Variants in PAM observed in about 807,000 individuals in gnomAD.
PAM encodes peptidyl-glycine alpha-amidating monooxygenase.
Under a neutral mutation model 122.1 loss-of-function variants are expected in PAM, and 72 were observed. That is an observed-to-expected ratio of 0.59 (90% confidence interval 0.49 to 0.72). The LOEUF (loss-of-function observed/expected upper bound fraction) is 0.72, where lower values mean the gene tolerates loss of function less well. Among genes scored for constraint, PAM ranks in the 30% least tolerant of loss-of-function variants. The pLI is 0.00. For missense variants in PAM, 1,106 were observed against 1,183.7 expected (o/e 0.93, Z 0.96); for synonymous variants, 389 against 404.4 (o/e 0.96, Z 0.46).
intron 6 of PAM, among the ~76,000 whole-genome samples, chr5:102,925,355 G>C (rs960540974): frequency 5.3e-5 from 8 of 152,330 alleles, no homozygotes; most frequent in Middle Eastern, 3.4e-3. Flanking sequence ...CATGAGCCAA[G>C]AGAGCTAGGA....
At chr5:102,948,241 A>G (rs1397753732) in intron 8 of PAM, 137 bp from the exon 9 acceptor site, 1 of 534,748 alleles carries the variant, frequency 1.9e-6, no homozygotes, top group East Asian at 3.1e-5. Context: ...AGGAAGAAAA[A>G]TTTTTCCTCT....
rs183468541 is a variant in PAM, at chr5:102,769,499, G to A, written c.-374+14151G>A. 1.9e-4 allele frequency among the ~76,000 whole-genome samples: 29 copies of A among 152,214 alleles called. No homozygotes were observed. In the East Asian group the frequency reaches 5.4e-3, roughly 28 times the overall value. On this transcript the variant is annotated intron_variant, in intron 1 of 25. Coordinates refer to ENST00000438793, the MANE Select transcript of PAM (RefSeq NM_001177306.2). ...TCATAGTTTGAGGTCTTAGATTTAAGTCTTTAATCCATTTTGATTTGATTT... is the reference window on the plus strand; with the variant it reads ...TCATAGTTTGAGGTCTTAGATTTAAATCTTTAATCCATTTTGATTTGATTT...
chr5:103,030,549 G>T (rs950178455), downstream of PAM: 1 of 152,202 alleles, frequency 6.6e-6, no homozygotes, highest in African/African-American at 2.4e-5. Flanking sequence ...TTACAATCCT[G>T]TCCTAGCACT....
At chr5:102,769,469 A>C (rs1755114262) in intron 1 of PAM, among the ~76,000 whole-genome samples, 1 of 151,934 alleles carries the variant, frequency 6.6e-6, no homozygotes, top group Non-Finnish European at 1.5e-5. Flanking sequence ...TTTCTTGTAG[A>C]AGTTTCATAG....
intron 14 of PAM, among the ~76,000 whole-genome samples, chr5:102,969,620 C>A (rs1765223902): frequency 6.6e-6 from 1 of 152,136 alleles, no homozygotes; most frequent in African/African-American, 2.4e-5. Context: ...GAGAGAAGAA[C>A]ACAGTTTTCT....
At chr5:103,011,988 C>T (rs771526304) in intron 21 of PAM, among the ~76,000 whole-genome samples, 10 of 152,128 alleles carry the variant, frequency 6.6e-5, no homozygotes, top group South Asian at 2.1e-4. Flanking sequence ...ATTGTAGTTT[C>T]GATTTGCATT....
intron 1 of PAM, chr5:102,808,054 C>T (rs1667680008): frequency 6.6e-6 from 1 of 152,168 alleles, no homozygotes; most frequent in Admixed American, 6.5e-5. Context: ...GCTTCTGTCT[C>T]CCAGCACATT....
chr5:102,758,512 G>C (rs78951918), intron 1 of PAM, among the ~76,000 whole-genome samples: 4,378 of 152,276 alleles, frequency 0.029, 111 homozygotes, highest in East Asian at 0.14. Flanking sequence ...GAATGCGAAA[G>C]CTAATTATTA....
At chr5:102,888,612 C>T (rs1001242248) in intron 3 of PAM, among the ~76,000 whole-genome samples, 15 of 151,850 alleles carry the variant, frequency 9.9e-5, no homozygotes, top group Non-Finnish European at 4.4e-5. Context: ...CAGACTGTCC[C>T]TGCCTCCACC....
chr5:102,920,918 G>T (rs1479773065), intron 5 of PAM, among the ~76,000 whole-genome samples: 1 of 151,906 alleles, frequency 6.6e-6, no homozygotes, highest in Non-Finnish European at 1.5e-5. Context: ...AGTCAGTCAT[G>T]CTGTATTTGG....
intron 23 of PAM, among the ~76,000 whole-genome samples, chr5:103,024,651 A>G (rs1784462675): frequency 6.6e-6 from 1 of 152,146 alleles, no homozygotes. Context: ...TTTACACCCA[A>G]CAGTTTTATG....
rs187912085 is a variant in PAM, at chr5:102,820,993, T to C, written c.-373-44830T>C. 6.4e-4 allele frequency among the ~76,000 whole-genome samples: 97 copies of C among 152,310 alleles called. 1 individual carries two copies. Among genetic ancestry groups the C allele is most frequent in the African/African-American group, 2.3e-3 (94 of 41,580 alleles). On this transcript the variant is annotated intron_variant, in intron 1 of 25. Transcript: ENST00000438793. ...ATTGGTAAAGCTAATCACTTCACAG[T>C]TGGAGTGAGAAGATGAGTTTTGGAG... is the stretch of plus-strand genomic sequence containing the variant.
At chr5:102,901,974 A>G (rs185907063) in intron 4 of PAM, among the ~76,000 whole-genome samples, 2 of 151,716 alleles carry the variant, frequency 1.3e-5, no homozygotes, top group South Asian at 2.1e-4. Context: ...TTCTTCCCCA[A>G]CTGAGCCTTT....
chr5:102,866,600 GAATAA>G (rs1255027861), intron 2 of PAM: 8 of 331,918 alleles, frequency 2.4e-5, no homozygotes, highest in African/African-American at 1.3e-4. Flanking sequence ...ACAGCTCGAA[GAATAA>G]AATATAAGGA....
chr5:102,890,343 A>G (rs948044086), intron 3 of PAM, among the ~76,000 whole-genome samples: 1 of 151,890 alleles, frequency 6.6e-6, no homozygotes, highest in Non-Finnish European at 1.5e-5. Flanking sequence ...GTCTTTTGTC[A>G]GCTTATTATC....
intron 1 of PAM, among the ~76,000 whole-genome samples, chr5:102,814,149 T>C (rs1414779242): frequency 6.6e-6 from 1 of 152,174 alleles, no homozygotes; most frequent in Admixed American, 6.5e-5. Flanking sequence ...GACCATCAGG[T>C]CCCCTTTAGT....
At chr5:102,913,455 G>C (rs1802070310) in intron 4 of PAM, among the ~76,000 whole-genome samples, 1 of 151,802 alleles carries the variant, frequency 6.6e-6, no homozygotes, top group Non-Finnish European at 1.5e-5. Flanking sequence ...ATACATCCCA[G>C]TGACTATCGT....
intron 1 of PAM, among the ~76,000 whole-genome samples, chr5:102,764,580 G>A (rs535783063): frequency 1.3e-5 from 2 of 152,126 alleles, no homozygotes; most frequent in Non-Finnish European, 2.9e-5. Context: ...CCAGAAATAC[G>A]GGGCGTGAGG....
chr5:102,785,884 G>A lies in PAM; in HGVS notation c.-374+30536G>A, dbSNP rs1318134316. 2.7e-5 allele frequency among the ~76,000 whole-genome samples: 4 copies of A among 150,784 alleles called. No homozygotes were observed. In the South Asian group the frequency reaches 8.3e-4, roughly 31 times the overall value. On this transcript the variant is annotated intron_variant, in intron 1 of 25. Transcript: ENST00000438793. Reference sequence around the variant, plus strand: ...AACTTTTTAAAAATCATTCATTCAAGTGGTTATATATGTACTAAATTATTT... The same window carrying A: ...AACTTTTTAAAAATCATTCATTCAAATGGTTATATATGTACTAAATTATTT...
Sources: allele counts gnomAD v4.1 joint callset (sites outside exome capture counted in the v4.1 genomes callset), GRCh38; gene constraint gnomAD v4.1.1; transcripts MANE v1.5; gene names NCBI Gene and HGNC (gene_info 2026-07-23, HGNC 2026-07-21).